SPOCK1: variants seen among roughly 807,000 people sequenced by gnomAD.
SPOCK1 encodes SPARC (osteonectin), cwcv and kazal like domains proteoglycan 1.
SPOCK1 carries 23 observed loss-of-function variants against 55.3 expected under a neutral mutation model. The observed-to-expected ratio is 0.42, with a 90% CI of 0.30 to 0.59. The LOEUF (loss-of-function observed/expected upper bound fraction) is 0.59. Among genes scored for constraint, SPOCK1 ranks in the 20% least tolerant of loss-of-function variants. The pLI is 0.22. For missense variants in SPOCK1, 499 were observed against 552.5 expected (o/e 0.90, Z 0.97); for synonymous variants, 226 against 221.0 (o/e 1.02, Z -0.20).
At chr5:137,491,212 G>A (rs1754170156) in intron 2 of SPOCK1, among the ~76,000 whole-genome samples, 1 of 152,132 alleles carries the variant, frequency 6.6e-6, no homozygotes. Flanking sequence ...GTGACCTCAG[G>A]TTAATAGTGG....
intron 2 of SPOCK1, among the ~76,000 whole-genome samples, chr5:137,420,415 C>A (rs1339092386): frequency 1.3e-5 from 2 of 152,264 alleles, no homozygotes; most frequent in East Asian, 3.9e-4. Flanking sequence ...AGCTGTGAAT[C>A]CATCTGGTCC....
chr5:137,276,751 G>T (rs539617478), intron 2 of SPOCK1, among the ~76,000 whole-genome samples: 1 of 152,122 alleles, frequency 6.6e-6, no homozygotes, highest in Non-Finnish European at 1.5e-5. Flanking sequence ...CAGGAAACTG[G>T]AAACCAATGG....
intron 2 of SPOCK1, among the ~76,000 whole-genome samples, chr5:137,371,041 C>T (rs866793295): frequency 1.3e-5 from 2 of 152,226 alleles, no homozygotes; most frequent in African/African-American, 4.8e-5. Context: ...CAGCCCTGGC[C>T]TGAGGACTCA....
chr5:136,985,106 G>GTTGT (rs778566793), intron 9 of SPOCK1, 34 bp downstream of exon 9: 12 of 1,601,360 alleles, frequency 7.5e-6, no homozygotes, highest in East Asian at 2.2e-5. Context: ...GGCTTAATTA[G>GTTGT]TTGTTTAAAT....
At chr5:137,111,335 G>A (rs1358653976) in intron 5 of SPOCK1, among the ~76,000 whole-genome samples, 1 of 152,100 alleles carries the variant, frequency 6.6e-6, no homozygotes, top group East Asian at 1.9e-4. Flanking sequence ...TTAGTCATGG[G>A]CTCCACTCTG....
intron 3 of SPOCK1, among the ~76,000 whole-genome samples, chr5:137,259,486 T>C (rs1756704240): frequency 6.6e-6 from 1 of 151,732 alleles, no homozygotes; most frequent in South Asian, 2.1e-4. Context: ...CTGGGGCCTG[T>C]TGGGGGATGG....
intron 2 of SPOCK1, among the ~76,000 whole-genome samples, chr5:137,443,584 C>T (rs200575407): frequency 1.6e-4 from 24 of 152,224 alleles, no homozygotes; most frequent in East Asian, 7.7e-4. Flanking sequence ...ACTCCTTGTC[C>T]GGCTTCCCCA....
chr5:137,432,514 T>A (rs1451460205), intron 2 of SPOCK1, among the ~76,000 whole-genome samples: 3 of 152,160 alleles, frequency 2.0e-5, no homozygotes, highest in Non-Finnish European at 4.4e-5. Context: ...CAAAGACAGA[T>A]GCTGTTAGGA....
chr5:136,994,740 C>CGGT (rs1751009572), intron 6 of SPOCK1, among the ~76,000 whole-genome samples: 1 of 151,336 alleles, frequency 6.6e-6, no homozygotes, highest in Non-Finnish European at 1.5e-5. Context: ...AGGCCAGGTG[C>CGGT]GGTGGTTCAC....
intron 6 of SPOCK1, among the ~76,000 whole-genome samples, chr5:137,053,180 C>G (rs55921496): frequency 0.01 from 1,558 of 152,250 alleles, 33 homozygotes; most frequent in African/African-American, 0.036. Flanking sequence ...ACCTCTGAGC[C>G]ACACTGTGAT....
chr5:137,195,636 G>A (rs561777932), intron 3 of SPOCK1, among the ~76,000 whole-genome samples: 16 of 152,340 alleles, frequency 1.1e-4, no homozygotes, highest in South Asian at 2.1e-4. Flanking sequence ...CTGCCAATGT[G>A]CATGGCATGA....
intron 3 of SPOCK1, among the ~76,000 whole-genome samples, chr5:137,244,189 C>T (rs1756350844): frequency 6.6e-6 from 1 of 152,148 alleles, no homozygotes; most frequent in African/African-American, 2.4e-5. Context: ...GACTATATTA[C>T]ATTCAATAGA....
chr5:137,438,124 CT>C (rs1038437969), intron 2 of SPOCK1, among the ~76,000 whole-genome samples: 6 of 151,752 alleles, frequency 4.0e-5, no homozygotes, highest in Admixed American at 2.0e-4. Flanking sequence ...ACATTATGAG[CT>C]TTTTTAAAGA....
At chr5:137,455,880 A>C (rs1011724741) in intron 2 of SPOCK1, among the ~76,000 whole-genome samples, 2 of 151,794 alleles carry the variant, frequency 1.3e-5, no homozygotes, top group Admixed American at 6.6e-5. Context: ...AGTAGAAATA[A>C]AAAAAAATTA....
chr5:137,171,722 G>GT (rs779550793), intron 3 of SPOCK1, among the ~76,000 whole-genome samples: 1 of 152,274 alleles, frequency 6.6e-6, no homozygotes. Flanking sequence ...TTCAATGACC[G>GT]TTTTTTGACC....
chr5:137,498,650 C>T (rs1754362143), intron 1 of SPOCK1, 92 bp from the exon 2 acceptor site: 2 of 1,093,808 alleles, frequency 1.8e-6, no homozygotes, highest in East Asian at 8.2e-5. Context: ...AGCCCGGAGG[C>T]GGGGACCCCG....
intron 3 of SPOCK1, among the ~76,000 whole-genome samples, chr5:137,258,840 T>G (rs1756688701): frequency 6.6e-6 from 1 of 152,172 alleles, no homozygotes. Flanking sequence ...CCTTCATCAT[T>G]CACTACGATT....
intron 4 of SPOCK1, among the ~76,000 whole-genome samples, chr5:137,116,288 G>C (rs922098323): frequency 6.6e-6 from 1 of 152,160 alleles, no homozygotes; most frequent in Non-Finnish European, 1.5e-5. Context: ...CCAGCATTAT[G>C]TTTGTGAAGC....
intron 2 of SPOCK1, among the ~76,000 whole-genome samples, chr5:137,398,567 C>G (rs1751905453): frequency 6.6e-6 from 1 of 152,132 alleles, no homozygotes; most frequent in African/African-American, 2.4e-5. Context: ...ACATTCTTCT[C>G]TCAGGAAGAG....
Sources: allele counts gnomAD v4.1 joint callset (sites outside exome capture counted in the v4.1 genomes callset), GRCh38; gene constraint gnomAD v4.1.1; transcripts MANE v1.5; gene names NCBI Gene and HGNC (gene_info 2026-07-23, HGNC 2026-07-21).